Variants in FBXO43 observed in about 807,000 individuals in gnomAD.
The protein encoded by FBXO43 is F-box only protein 43.
Under a neutral mutation model 56.7 loss-of-function variants are expected in FBXO43, and 22 were observed. The observed-to-expected ratio is 0.39, with a 90% CI of 0.28 to 0.55. The LOEUF (loss-of-function observed/expected upper bound fraction) is 0.55. Ranked by LOEUF, FBXO43 falls within the 20% of genes least tolerant of loss-of-function variation. The pLI is 0.66. For missense variants in FBXO43, 733 were observed against 814.9 expected (o/e 0.90, Z 1.22); for synonymous variants, 306 against 294.5 (o/e 1.04, Z -0.40).
chr8:100,139,381 C>T (rs1463734861), intron 2 of FBXO43, among the ~76,000 whole-genome samples: 1 of 152,014 alleles, frequency 6.6e-6, no homozygotes, highest in African/African-American at 2.4e-5. Context: ...TCACTTGAGC[C>T]CAGGAGTTGC....
chr8:100,133,882 T>TAC lies in FBXO43; in HGVS notation c.2045_2046dup (p.Arg683ValfsTer24). On this transcript the variant is annotated frameshift_variant, in exon 5 of 5. Transcript: ENST00000428847. LOFTEE classifies it high-confidence loss of function. Reference sequence around the variant, plus strand: ...CTATTTCTTGGCTTTGCTGCTCCTCTACTACATTCTTCAGACCCATGATAA... The same window carrying TAC: ...CTATTTCTTGGCTTTGCTGCTCCTCTACACTACATTCTTCAGACCCATGATAA... 6.2e-7 allele frequency: 1 copy of TAC among 1,614,206 alleles called. No individual in the cohort carries two copies. The highest frequency in any genetic ancestry group is 8.5e-7 in the Non-Finnish European group (1 of 1,180,024).
At chr8:100,143,050 A>T (rs1308331255) in intron 1 of FBXO43, among the ~76,000 whole-genome samples, 1 of 152,250 alleles carries the variant, frequency 6.6e-6, no homozygotes, top group African/African-American at 2.4e-5. Flanking sequence ...GCAAGGAATG[A>T]CACTAAGAAA....
At chr8:100,144,006 A>T (rs1386460928) in intron 1 of FBXO43, among the ~76,000 whole-genome samples, 3 of 152,180 alleles carry the variant, frequency 2.0e-5, no homozygotes, top group Non-Finnish European at 2.9e-5. Context: ...TCCTGACCTC[A>T]GGTGATCCAC....
intron 1 of FBXO43, among the ~76,000 whole-genome samples, chr8:100,143,321 C>T (rs926615747): frequency 2.0e-5 from 3 of 152,098 alleles, no homozygotes; most frequent in Non-Finnish European, 4.4e-5. Context: ...GGCTGTAATG[C>T]GACAGTAATT....
chr8:100,145,930 T>A (rs1302222587), upstream of FBXO43: 1 of 152,612 alleles, frequency 6.6e-6, no homozygotes, highest in Non-Finnish European at 1.5e-5. Context: ...GCCTGGGTCC[T>A]CGCTTGAGCG....
intron 3 of FBXO43, among the ~76,000 whole-genome samples, chr8:100,135,428 G>C (rs373462586): frequency 2.6e-5 from 4 of 152,266 alleles, no homozygotes; most frequent in African/African-American, 9.6e-5. Flanking sequence ...TCAAGAGTAT[G>C]AAGGCATAAT....
rs1033616654 is a variant in FBXO43, at chr8:100,145,758, G to T, written c.-623C>A. The T allele has an allele frequency of 6.6e-6, 1 of 152,472 alleles. No homozygotes were observed. Among genetic ancestry groups the T allele is most frequent in the Non-Finnish European group, 1.5e-5 (1 of 68,248 alleles). The allele number at this position is 152,472 out of a possible 1,614,324, so 9.4% of individuals were successfully genotyped here. ...CCTCGGCCTCGCCCCCTGGGATGCGGGCTATGGCAACCCCCACGCCAGCTT... is the reference window on the plus strand; with the variant it reads ...CCTCGGCCTCGCCCCCTGGGATGCGTGCTATGGCAACCCCCACGCCAGCTT... On this transcript the variant is annotated 5_prime_UTR_variant, in exon 1 of 5. Transcript: ENST00000428847.
chr8:100,144,146 T>C (rs969700578), intron 1 of FBXO43, among the ~76,000 whole-genome samples: 2 of 152,226 alleles, frequency 1.3e-5, no homozygotes, highest in African/African-American at 4.8e-5. Flanking sequence ...ATGCTAGAAT[T>C]TGGGAAACTC....
Position 100,133,831 on chromosome 8 carries a change from G to C in FBXO43, c.2098C>G (p.Gln700Glu). 1 of 1,614,010 alleles carries C rather than the reference G, an allele frequency of 6.2e-7. No homozygotes were observed. The highest frequency in any genetic ancestry group is 8.5e-7 in the Non-Finnish European group (1 of 1,179,964). ...AGGCGTTTTAAATTCCGCTTACTCTGGGCACTTCCTGGGAGAGCATCTTTT... is the reference window on the plus strand; with the variant it reads ...AGGCGTTTTAAATTCCGCTTACTCTCGGCACTTCCTGGGAGAGCATCTTTT... ...NRKDALPGSA[Q>E]SKRNLKRL is the part of the protein sequence containing the mutation. The change falls in exon 5 of 5, where the codon CAG becomes GAG. Residue 700 changes from glutamine to glutamate, a missense_variant. Coordinates refer to ENST00000428847, the MANE Select transcript of FBXO43 (RefSeq NM_001029860.4).
At chr8:100,142,235 A>T (rs912407800) in intron 1 of FBXO43, 67 bp from the exon 2 acceptor site, 3 of 1,361,942 alleles carry the variant, frequency 2.2e-6, no homozygotes, top group African/African-American at 2.9e-5. Context: ...ACCAAAATAC[A>T]TTATTTGTTA....
rs761354551 is a variant in FBXO43, at chr8:100,141,877, T to C, written c.377A>G (p.Lys126Arg). Reference protein sequence around the residue: ...THPLESPTQKKKCILPRKEKD... With the variant: ...THPLESPTQKRKCILPRKEKD... ...TTCCTTTCTAGGCAAGATACATTTC[T>C]TTTTTTGAGTGGGAGATTCTAAAGG... Residue 126 changes from lysine to arginine, a missense_variant, in exon 2 of 5, where the codon AAG becomes AGG. Coordinates refer to ENST00000428847, the MANE Select transcript of FBXO43 (RefSeq NM_001029860.4). The C allele has an allele frequency of 6.3e-7, 1 of 1,588,830 alleles. No individual in the cohort carries two copies.
Position 100,133,975 on chromosome 8 carries a change from A to G in FBXO43, c.1954T>C (p.Tyr652His), listed in dbSNP as rs778681026. 6.2e-7 allele frequency: 1 copy of G among 1,614,154 alleles called. No individual in the cohort carries two copies. Among genetic ancestry groups the G allele is most frequent in the Non-Finnish European group, 8.5e-7 (1 of 1,180,020 alleles). Reference protein sequence around the residue: ...RCQSPAKYQPYKKRGLCSRTA... With the variant: ...RCQSPAKYQPHKKRGLCSRTA... Reference sequence around the variant, plus strand: ...CGGCTACACAGTCCCCTTTTCTTATATGGCTGGTACTTAGCAGGGGACTGG... The same window carrying G: ...CGGCTACACAGTCCCCTTTTCTTATGTGGCTGGTACTTAGCAGGGGACTGG... Residue 652 changes from tyrosine (Y) to histidine (H), a missense_variant, in exon 5 of 5, where the codon TAT becomes CAT. Coordinates refer to ENST00000428847, the MANE Select transcript of FBXO43 (RefSeq NM_001029860.4).
rs762364065 is a variant in FBXO43, at chr8:100,141,015, A to T, written c.1239T>A (p.Ala413=). ...VHPDSEKRAA[A]ASAISEGQLS... ...GCTGACCCTCTGAGATGGCAGAAGC[A>T]GCTGCTGCTCTTTTTTCAGAGTCAG... The change falls in exon 2 of 5, where the codon GCT becomes GCA. Residue 413 remains alanine (A), a synonymous_variant. Transcript: ENST00000428847. The T allele has an allele frequency of 6.2e-7, 1 of 1,614,254 alleles. No individual in the cohort carries two copies.
At position 100,133,865 on chromosome 8, in the gene FBXO43, T is replaced by C. The variant is rs1012605387; in HGVS notation, c.2064A>G (p.Pro688=). 1.7e-5 allele frequency: 27 copies of C among 1,614,106 alleles called. No individual in the cohort carries two copies. Among genetic ancestry groups the C allele is most frequent in the Non-Finnish European group, 2.3e-5 (27 of 1,180,040 alleles). ...CTGGGAGAGCATCTTTTCTATTTCT[T>C]GGCTTTGCTGCTCCTCTACTACATT... is the stretch of plus-strand genomic sequence containing the variant. The part of the protein sequence containing the change: ...SEECSRGAAK[P]RNRKDALPGS... The change falls in exon 5 of 5, where the codon CCA becomes CCG. Residue 688 remains proline, a synonymous_variant. Coordinates refer to ENST00000428847, the MANE Select transcript of FBXO43 (RefSeq NM_001029860.4).
chr8:100,134,394 T>C (rs1484014082), intron 3 of FBXO43, 30 bp from the exon 4 acceptor site: 2 of 1,581,754 alleles, frequency 1.3e-6, no homozygotes, highest in Non-Finnish European at 8.7e-7. Context: ...GCATCAATAC[T>C]GCAATACCAA....
intron 1 of FBXO43, 92 bp downstream of exon 1, chr8:100,144,959 A>G (rs949909985): frequency 5.1e-6 from 7 of 1,375,374 alleles, no homozygotes; most frequent in Admixed American, 3.1e-5. Flanking sequence ...AAAAAGAAAA[A>G]GAAAAAAAAG....
intron 2 of FBXO43, among the ~76,000 whole-genome samples, chr8:100,138,063 T>G (rs569746767): frequency 6.6e-6 from 1 of 152,328 alleles, no homozygotes; most frequent in South Asian, 2.1e-4. Flanking sequence ...AACAAATCTC[T>G]GTCATTTTGA....
At chr8:100,146,446 T>A (rs1814833501), upstream of FBXO43, among the ~76,000 whole-genome samples, 2 of 152,194 alleles carry the variant, frequency 1.3e-5, no homozygotes, top group Admixed American at 1.3e-4. Context: ...AAAAGATTTT[T>A]AAAAAATCTA....
At position 100,141,790 on chromosome 8, in the gene FBXO43, C is replaced by T. The variant is rs1437390107; in HGVS notation, c.464G>A (p.Arg155His). Reference protein sequence around the residue: ...PKISGKKCLPRRRLNVSFALL... With the variant: ...PKISGKKCLPHRRLNVSFALL... ...AGCGAAAGATACATTCAACCTTCTG[C>T]GAGGTAAACATTTTTTCCCACTGAT... is the stretch of plus-strand genomic sequence containing the variant. The change falls in exon 2 of 5, where the codon CGC (arginine) becomes CAC (histidine). Residue 155 changes from arginine to histidine, a missense_variant. Transcript: ENST00000428847. 8 of 1,583,438 alleles carry T rather than the reference C, an allele frequency of 5.1e-6. No individual in the cohort carries two copies. The highest frequency in any genetic ancestry group is 3.7e-5 in the Admixed American group (2 of 53,508).
Sources: allele counts gnomAD v4.1 joint callset (sites outside exome capture counted in the v4.1 genomes callset), GRCh38; gene constraint gnomAD v4.1.1; transcripts MANE v1.5; gene names NCBI Gene and HGNC (gene_info 2026-07-23, HGNC 2026-07-21).